The following EPB41 variants were observed in gnomAD, a reference collection of about 807,000 sequenced individuals.
The protein encoded by EPB41 is erythrocyte membrane protein band 4.1, also known as protein 4.1.
Under a neutral mutation model 108.0 loss-of-function variants are expected in EPB41, and 65 were observed. The ratio of observed to expected loss-of-function variants is 0.60; its 90% CI spans 0.49 to 0.74. The LOEUF is 0.74. EPB41 is among the 30% of genes least tolerant of loss of function. The pLI is 0.00. For synonymous variants in EPB41, 336 were observed against 358.9 expected, an observed-to-expected ratio of 0.94 and a Z score of 0.72; for missense variants, 875 against 1,037.0, an observed-to-expected ratio of 0.84 and a Z score of 2.15.
Position 29,091,122 on chromosome 1 carries a change from GC to G in EPB41, c.2185-6684del, listed in dbSNP as rs569451154. Among the ~76,000 whole-genome samples the G allele has an allele frequency of 3.6e-3, 554 of 152,292 alleles. 5 individuals are homozygous for G. The highest frequency in any genetic ancestry group is 0.013 in the African/African-American group (523 of 41,560). On this transcript the variant is annotated intron_variant, in intron 16 of 20. Transcript: ENST00000343067. ...TCTGTCTAATTTAACTCAGCAGTAGGCAAGTTTGGGTCAGGTGGTGCTGGCC... is the reference window on the plus strand; with the variant it reads ...TCTGTCTAATTTAACTCAGCAGTAGGAAGTTTGGGTCAGGTGGTGCTGGCC...
chr1:28,894,540 C>A (rs2090463294), intron 1 of EPB41, among the ~76,000 whole-genome samples: 1 of 152,112 alleles, frequency 6.6e-6, no homozygotes, highest in African/African-American at 2.4e-5. Flanking sequence ...CAGAGAGGGG[C>A]CTGGCAACTG....
chr1:28,917,637 G>A (rs1295948705), intron 1 of EPB41, among the ~76,000 whole-genome samples: 2 of 151,962 alleles, frequency 1.3e-5, no homozygotes, highest in African/African-American at 2.4e-5. Context: ...CTGGAGGGCA[G>A]TGGCATGATC....
At chr1:28,954,453 C>T (rs1370877524) in intron 1 of EPB41, among the ~76,000 whole-genome samples, 2 of 152,072 alleles carry the variant, frequency 1.3e-5, no homozygotes, top group African/African-American at 2.4e-5. Flanking sequence ...CAGGGAACCC[C>T]TTTGTTTAGC....
intron 1 of EPB41, among the ~76,000 whole-genome samples, chr1:28,921,991 A>G (rs1390435347): frequency 1.1e-5 from 1 of 90,678 alleles, no homozygotes; most frequent in African/African-American, 5.0e-5. Flanking sequence ...TTTTTTTGAG[A>G]CGGAGTCTCT....
At chr1:29,097,632 C>G in intron 16 of EPB41, 175 bp from the exon 17 acceptor site, 3 of 690,280 alleles carry the variant, frequency 4.3e-6, no homozygotes, top group African/African-American at 1.8e-5. Context: ...GATTTGACAC[C>G]TTGTCAGGGT....
chr1:28,983,130 G>A (rs113115300), intron 1 of EPB41, among the ~76,000 whole-genome samples: 64 of 152,260 alleles, frequency 4.2e-4, no homozygotes, highest in African/African-American at 1.5e-3. Context: ...AGCTGGGTAG[G>A]AAACTTGGAT....
intron 16 of EPB41, among the ~76,000 whole-genome samples, chr1:29,089,878 C>A (rs1376996755): frequency 6.6e-6 from 1 of 151,904 alleles, no homozygotes; most frequent in East Asian, 1.9e-4. Flanking sequence ...AGGACACGTT[C>A]AAGGAAGGTT....
chr1:29,011,785 TAGTC>T, intron 4 of EPB41, 76 bp from the exon 5 acceptor site: 1 of 1,460,686 alleles, frequency 6.8e-7, no homozygotes, highest in Non-Finnish European at 9.5e-7. Flanking sequence ...TATTTGAAGA[TAGTC>T]AGTGATCTTG....
intron 11 of EPB41, among the ~76,000 whole-genome samples, chr1:29,052,523 AG>A (rs1396624086): frequency 6.6e-6 from 1 of 152,254 alleles, no homozygotes; most frequent in East Asian, 1.9e-4. Context: ...TATTATTAAA[AG>A]GGAGAGCATC....
intron 16 of EPB41, 105 bp downstream of exon 16, chr1:29,065,263 T>A: frequency 7.0e-7 from 1 of 1,430,820 alleles, no homozygotes; most frequent in Non-Finnish European, 9.2e-7. Flanking sequence ...AAATTTGGAT[T>A]TGGTGCCTCA....
At chr1:28,981,293 G>C (rs1048045169) in intron 1 of EPB41, among the ~76,000 whole-genome samples, 4 of 152,158 alleles carry the variant, frequency 2.6e-5, no homozygotes, top group African/African-American at 7.2e-5. Context: ...TAACACAAAA[G>C]ATGGGAAAAT....
chr1:28,906,873 T>C (rs1272997789), intron 1 of EPB41, among the ~76,000 whole-genome samples: 2 of 151,832 alleles, frequency 1.3e-5, no homozygotes, highest in Non-Finnish European at 2.9e-5. Flanking sequence ...CCTCACGGGT[T>C]CACGCCATTC....
intron 1 of EPB41, among the ~76,000 whole-genome samples, chr1:28,923,106 CTTTTCTT>C (rs1267398685): frequency 9.6e-5 from 11 of 114,712 alleles, no homozygotes; most frequent in African/African-American, 4.2e-4. Context: ...CCTTTCTTTT[CTTTTCTT>C]TTTTTTTTTT....
At chr1:28,974,142 T>G (rs1243284555) in intron 1 of EPB41, among the ~76,000 whole-genome samples, 1 of 152,220 alleles carries the variant, frequency 6.6e-6, no homozygotes, top group Admixed American at 6.5e-5. Context: ...TAAAATAGAT[T>G]GCTCAGAACC....
intron 9 of EPB41, among the ~76,000 whole-genome samples, chr1:29,034,909 T>C (rs756545913): frequency 1.2e-4 from 18 of 151,916 alleles, no homozygotes; most frequent in Middle Eastern, 3.2e-3. Flanking sequence ...GTAATACATA[T>C]GTTAATCAGC....
intron 4 of EPB41, among the ~76,000 whole-genome samples, chr1:29,010,278 G>A (rs140491106): frequency 0.012 from 1,778 of 152,238 alleles, 13 homozygotes; most frequent in Non-Finnish European, 0.017. Flanking sequence ...GGCGGAGGTT[G>A]CAGAGAACCA....
intron 1 of EPB41, among the ~76,000 whole-genome samples, chr1:28,890,731 A>C (rs186907970): frequency 1.3e-5 from 2 of 152,352 alleles, no homozygotes; most frequent in East Asian, 3.9e-4. Context: ...GGGAAATATT[A>C]TCTTTGTTTT....
chr1:29,097,526 G>A (rs182447664), intron 16 of EPB41: 2 of 455,808 alleles, frequency 4.4e-6, no homozygotes, highest in Admixed American at 3.5e-5. Context: ...TCAGTCTGAA[G>A]TGTTTTATAT....
At position 28,969,660 on chromosome 1, in the gene EPB41, T is replaced by G. The variant is rs149938885; in HGVS notation, c.-7-17771T>G. Among the ~76,000 whole-genome samples the G allele has an allele frequency of 3.8e-3, 570 of 149,254 alleles. 5 individuals carry two copies. Among genetic ancestry groups the G allele is most frequent in the African/African-American group, 0.013 (528 of 40,516 alleles). On this transcript the variant is annotated intron_variant, in intron 1 of 20. Coordinates refer to ENST00000343067, the MANE Select transcript of EPB41 (RefSeq NM_001376013.1). ...CAAGCCTGTAATCCCAGCACTTTGG[T>G]AGGCTGAGGCGGGCGGATCACGAGG...
Sources: gnomAD v4.1 joint callset for allele counts (sites outside exome capture counted in the v4.1 genomes callset) on GRCh38, gnomAD v4.1.1 for gene constraint, MANE v1.5 for transcripts, NCBI Gene and HGNC (gene_info 2026-07-23, HGNC 2026-07-21) for gene names.